Variants in HOGA1 observed in about 807,000 individuals in gnomAD.
The protein encoded by HOGA1 is 4-hydroxy-2-oxoglutarate aldolase, mitochondrial.
HOGA1 carries 30 observed loss-of-function variants against 34.3 expected under a neutral mutation model. The observed-to-expected ratio is 0.87, with a 90% CI of 0.65 to 1.19. The LOEUF (loss-of-function observed/expected upper bound fraction) is 1.19, where lower values mean the gene tolerates loss of function less well. Ranked by LOEUF, HOGA1 falls within the 50% of genes most tolerant of loss-of-function variation. The probability of loss-of-function intolerance (pLI) is 0.00; values close to 1 mark genes in which losing one functional copy is unlikely to be tolerated. For synonymous variants in HOGA1, 161 were observed against 174.0 expected, an observed-to-expected ratio of 0.93 and a Z score of 0.59; for missense variants, 417 against 436.5, an observed-to-expected ratio of 0.96 and a Z score of 0.40.
At chr10:97,592,302 G>A (rs1200266264) in intron 1 of HOGA1, among the ~76,000 whole-genome samples, 1 of 144,576 alleles carries the variant, frequency 6.9e-6, no homozygotes, top group East Asian at 2.1e-4. Context: ...GTGCAGTGGT[G>A]CGATCTCGGC....
intron 1 of HOGA1, among the ~76,000 whole-genome samples, chr10:97,593,834 G>A (rs944506403): frequency 2.6e-5 from 4 of 152,064 alleles, no homozygotes; most frequent in Admixed American, 6.6e-5. Context: ...GGGTGCAGAG[G>A]GAGGGAAGTG....
rs1301558130 is a variant in HOGA1, at chr10:97,603,002, T to C, written c.834+1012T>C. Among the ~76,000 whole-genome samples, 4 of 152,038 alleles carry C rather than the reference T, an allele frequency of 2.6e-5. No individual in the cohort carries two copies. Among genetic ancestry groups the C allele is most frequent in the Non-Finnish European group, 4.4e-5 (3 of 67,996 alleles). The stretch of plus-strand genomic sequence containing the variant: ...CCACAGTGCCCGGCCTATTCTTTTT[T>C]CTTTTCTTTTCTTTTTTGAGACATA... On this transcript the variant is annotated intron_variant, in intron 6 of 6. Transcript: ENST00000370646. This position sits in a 1 kb window ranked among gnomAD's most constrained non-coding sequence, Gnocchi z 4.5.
rs771778683 is a variant in HOGA1, at chr10:97,598,915, TGCCCTGG to T, written c.340+21_340+27del. The T allele has an allele frequency of 7.4e-6, 12 of 1,613,642 alleles. No individual in the cohort carries two copies. The East Asian group carries it at 2.5e-4, about 33-fold the overall frequency. ...CTCCGGATGCGAGTGTGAGCCAGAA[TGCCCTGG>T]GCCCTGGGGGTGGGTGGATGTGCAG... On this transcript the variant is annotated intron_variant, in intron 2 of 6. Transcript: ENST00000370646.
chr10:97,589,212 T>C (rs181667654), intron 1 of HOGA1, among the ~76,000 whole-genome samples: 1 of 152,136 alleles, frequency 6.6e-6, no homozygotes, highest in Non-Finnish European at 1.5e-5. Flanking sequence ...CCTTCCTGGG[T>C]TCTTTTCCCT....
chr10:97,599,051 C>A, intron 2 of HOGA1, 38 bp from the exon 3 acceptor site: 3 of 1,610,322 alleles, frequency 1.9e-6, no homozygotes. Flanking sequence ...GTCCAGGCCT[C>A]CTTCTGCCTG....
rs191521077 is a variant in HOGA1, at chr10:97,593,055, A to G, written c.212-5720A>G. 3.2e-3 allele frequency among the ~76,000 whole-genome samples: 486 copies of G among 150,516 alleles called. 1 individual carries two copies. Among genetic ancestry groups the G allele is most frequent in the South Asian group, 5.9e-3 (28 of 4,746 alleles). On this transcript the variant is annotated intron_variant, in intron 1 of 6. Transcript: ENST00000370646. ...AAAAAAAAAAAAAAAAAAAAAAGAG[A>G]ATGGTCAGATCACTCACTGTTAAGA...
intron 1 of HOGA1, among the ~76,000 whole-genome samples, chr10:97,585,652 T>C (rs2040964194): frequency 6.6e-6 from 1 of 152,204 alleles, no homozygotes; most frequent in Non-Finnish European, 1.5e-5. Flanking sequence ...CTGCCCAAGG[T>C]CATTCGGCTA....
chr10:97,595,363 G>A (rs943441770), intron 1 of HOGA1, among the ~76,000 whole-genome samples: 2 of 152,148 alleles, frequency 1.3e-5, no homozygotes, highest in Non-Finnish European at 2.9e-5. Flanking sequence ...GGTTCTATTC[G>A]AAGTACTTTA....
chr10:97,599,040 G>T (rs780565044), intron 2 of HOGA1, 49 bp from the exon 3 acceptor site: 5 of 1,609,378 alleles, frequency 3.1e-6, no homozygotes, highest in Non-Finnish European at 4.2e-6. Flanking sequence ...CCAGTGTCCT[G>T]GTCCAGGCCT....
intron 1 of HOGA1, among the ~76,000 whole-genome samples, chr10:97,594,543 C>T (rs950085281): frequency 5.9e-5 from 9 of 151,296 alleles, no homozygotes; most frequent in South Asian, 2.1e-4. Flanking sequence ...TTAGTAGAGA[C>T]GGGGTTTCAC....
chr10:97,592,220 A>G (rs2041031044), intron 1 of HOGA1, among the ~76,000 whole-genome samples: 1 of 148,306 alleles, frequency 6.7e-6, no homozygotes, highest in Non-Finnish European at 1.5e-5. Context: ...TGGGTGAAGG[A>G]TGTATAGAAA....
chr10:97,600,052 C>T lies in HOGA1; in HGVS notation c.604-15C>T. On this transcript the variant is annotated splice_polypyrimidine_tract_variant and intron_variant, in intron 4 of 6. Coordinates refer to ENST00000370646, the MANE Select transcript of HOGA1 (RefSeq NM_138413.4). ...GGCTCTGGGCACAGCTCTCACACCA[C>T]ATTTGCTGTTGCAGGTGACCAGGAT... The T allele has an allele frequency of 6.2e-7, 1 of 1,611,926 alleles. No individual in the cohort carries two copies.
intron 3 of HOGA1, chr10:97,599,459 C>T (rs945347406): frequency 2.7e-6 from 2 of 732,338 alleles, no homozygotes; most frequent in Non-Finnish European, 4.6e-6. Context: ...TAAATGAGAT[C>T]AGGAACATAA....
intron 6 of HOGA1, among the ~76,000 whole-genome samples, chr10:97,607,105 TAA>T (rs754597119): frequency 4.1e-4 from 54 of 131,680 alleles, no homozygotes; most frequent in Middle Eastern, 3.9e-3. Context: ...CCCCATCTCT[TAA>T]AAAAAAAAAA....
At chr10:97,602,594 C>T (rs1268860435) in intron 6 of HOGA1, 3 of 984,756 alleles carry the variant, frequency 3.0e-6, no homozygotes, top group Non-Finnish European at 3.6e-6. Context: ...TTTTAATGTA[C>T]ATTTTATCCT....
intron 6 of HOGA1, among the ~76,000 whole-genome samples, chr10:97,610,545 G>A (rs1347715176): frequency 1.3e-5 from 2 of 152,206 alleles, no homozygotes; most frequent in Non-Finnish European, 1.5e-5. Context: ...AGCACTTTGG[G>A]AGGCCGAGGC....
In HOGA1 at chr10:97,584,565, G is replaced by A; in HGVS notation, c.-139G>A. The A allele has an allele frequency of 4.0e-6, 3 of 756,960 alleles. No individual in the cohort carries two copies. Among genetic ancestry groups the A allele is most frequent in the Non-Finnish European group, 6.6e-6 (3 of 452,880 alleles). The allele number at this position is 756,960 out of a possible 1,614,324, so 46.9% of individuals were successfully genotyped here. A position where few individuals can be genotyped will look rare whatever the true frequency, so the allele number is the denominator to read the frequency against. ...CTGACCCTGGGAACACCCAGCTCAGGCCTGCCCCAGTGGCCACAAGTCAGG... is the reference window on the plus strand; with the variant it reads ...CTGACCCTGGGAACACCCAGCTCAGACCTGCCCCAGTGGCCACAAGTCAGG... On this transcript the variant is annotated 5_prime_UTR_variant, in exon 1 of 7. Coordinates refer to ENST00000370646, the MANE Select transcript of HOGA1 (RefSeq NM_138413.4).
rs950748379 is a variant in HOGA1, at chr10:97,601,903, G to T, written c.747G>T (p.Gln249His). ...CCCTGGCCAATGTCCTGGGGGCTCAGGTGTGCCAGCTGGAGCGACTGTGCT... is the reference window on the plus strand; with the variant it reads ...CCCTGGCCAATGTCCTGGGGGCTCATGTGTGCCAGCTGGAGCGACTGTGCT... ...VCALANVLGA[Q>H]VCQLERLCCT... Residue 249 changes from glutamine (Q) to histidine (H), a missense_variant, in exon 6 of 7, where the codon CAG becomes CAT. Transcript: ENST00000370646. The T allele has an allele frequency of 1.9e-6, 3 of 1,612,672 alleles. No homozygotes were observed. Among genetic ancestry groups the T allele is most frequent in the Non-Finnish European group, 2.5e-6 (3 of 1,180,028 alleles).
At position 97,590,854 on chromosome 10, in the gene HOGA1, A is replaced by G; in HGVS notation, c.211+5940A>G. 2 of 507,770 alleles carry G rather than the reference A, an allele frequency of 3.9e-6. 1 individual carries two copies. The highest frequency in any genetic ancestry group is 5.6e-5 in the South Asian group (2 of 35,504). 31.5% of individuals were successfully genotyped at this position (507,770 alleles called of 1,614,324 possible). On this transcript the variant is annotated intron_variant, in intron 1 of 6. Coordinates refer to ENST00000370646, the MANE Select transcript of HOGA1 (RefSeq NM_138413.4). ...CTGAGGCCCCTGAAGACCCACCAAG[A>G]GAAGACAGATGGGAGCAGGCAAGAG... is the stretch of plus-strand genomic sequence containing the variant.
Sources: allele counts gnomAD v4.1 joint callset (sites outside exome capture counted in the v4.1 genomes callset), GRCh38; gene constraint gnomAD v4.1.1; non-coding constraint Gnocchi (gnomAD v3.1); transcripts MANE v1.5; gene names NCBI Gene and HGNC (gene_info 2026-07-23, HGNC 2026-07-21).